The following PFKFB3 variants were observed in gnomAD, a reference collection of about 807,000 sequenced individuals.
PFKFB3 encodes 6-phosphofructo-2-kinase/fructose-2,6-biphosphatase 3, also known as 6-phosphofructo-2-kinase/fructose-2,6-bisphosphatase 3.
PFKFB3 carries 33 observed loss-of-function variants against 68.0 expected under a neutral mutation model. That is an observed-to-expected ratio of 0.49 (90% CI 0.37 to 0.65). The LOEUF (loss-of-function observed/expected upper bound fraction) is 0.65. Among genes scored for constraint, PFKFB3 ranks in the 30% least tolerant of loss-of-function variants. The pLI, the probability that PFKFB3 is intolerant of heterozygous loss-of-function variation, is 0.00. For missense variants in PFKFB3, 586 were observed against 712.2 expected (o/e 0.82, Z 2.02); for synonymous variants, 315 against 288.2 (o/e 1.09, Z -0.94).
At chr10:6,285,211 G>A in the PFKFB3 span, among the ~76,000 whole-genome samples, 2 of 151,658 alleles carry the variant, frequency 1.3e-5, no homozygotes, top group Non-Finnish European at 2.9e-5. Context: ...CAATACACAA[G>A]TGCTACAATC....
the PFKFB3 span, among the ~76,000 whole-genome samples, chr10:6,269,023 C>CA: frequency 1.2e-3 from 114 of 93,040 alleles, 1 homozygote; most frequent in African/African-American, 1.9e-3. Context: ...GATCCTGTCT[C>CA]AAAAAAAAAA....
At chr10:6,146,217 C>T in intron 1 of PFKFB3, 3 of 1,430,882 alleles carry the variant, frequency 2.1e-6, no homozygotes, top group Non-Finnish European at 2.7e-6. Flanking sequence ...ACCCATCTGC[C>T]TCTCTTCTCT....
chr10:6,201,297 C>T (rs1843340652), upstream of PFKFB3, among the ~76,000 whole-genome samples: 1 of 152,082 alleles, frequency 6.6e-6, no homozygotes. The surrounding 1 kb of genome is among the most constrained non-coding windows in gnomAD (Gnocchi z 4.1). Flanking sequence ...CTGGCATGTG[C>T]TCCCACTGCA....
At chr10:6,293,237 G>C in the PFKFB3 span, 1 of 462,712 alleles carries the variant, frequency 2.2e-6, no homozygotes, top group South Asian at 1.7e-5. Context: ...TGCAATTTGA[G>C]AGTCCTTCAG....
At chr10:6,151,446 A>G (rs1224906874) in intron 1 of PFKFB3, among the ~76,000 whole-genome samples, 1 of 152,192 alleles carries the variant, frequency 6.6e-6, no homozygotes, top group African/African-American at 2.4e-5. Context: ...CGGCCAGAGA[A>G]GCAAGAAGCA....
At chr10:6,157,906 C>G (rs1388693554) in intron 1 of PFKFB3, among the ~76,000 whole-genome samples, 2 of 152,086 alleles carry the variant, frequency 1.3e-5, no homozygotes, top group African/African-American at 2.4e-5. Flanking sequence ...ACTGAATAAG[C>G]AGGCAGTCCA....
intron 1 of PFKFB3, among the ~76,000 whole-genome samples, chr10:6,191,653 A>C (rs1843025427): frequency 6.6e-6 from 1 of 152,104 alleles, no homozygotes; most frequent in South Asian, 2.1e-4. Flanking sequence ...GCTGTTGGGG[A>C]AGTCCCTCTG....
chr10:6,254,097 CT>C (rs34789693), intron 14 of PFKFB3: 16,681 of 328,236 alleles, frequency 0.051, 97 homozygotes, highest in East Asian at 0.16. Flanking sequence ...TTTCAGATGG[CT>C]TTTTTTTTTT....
At chr10:6,262,483 G>A in the PFKFB3 span, among the ~76,000 whole-genome samples, 1 of 142,330 alleles carries the variant, frequency 7.0e-6, no homozygotes, top group African/African-American at 2.6e-5. Flanking sequence ...AAAAAAAGCT[G>A]TCTTTGGATA....
chr10:6,307,839 A>G, the PFKFB3 span, among the ~76,000 whole-genome samples: 38 of 152,256 alleles, frequency 2.5e-4, no homozygotes, highest in Non-Finnish European at 5.3e-4. Context: ...GAGAGATGGG[A>G]CCTTTAAGAT....
chr10:6,167,040 G>T (rs960716488), intron 1 of PFKFB3, among the ~76,000 whole-genome samples: 1 of 152,006 alleles, frequency 6.6e-6, no homozygotes, highest in Non-Finnish European at 1.5e-5. Flanking sequence ...TGTTGGTCAG[G>T]AACTCCCCAT....
At chr10:6,164,780 A>G (rs982281768) in intron 1 of PFKFB3, among the ~76,000 whole-genome samples, 2 of 152,144 alleles carry the variant, frequency 1.3e-5, no homozygotes, top group East Asian at 1.9e-4. Context: ...CTGTGCCCTG[A>G]TGTGCACATA....
At chr10:6,203,434 G>GT in intron 1 of PFKFB3, 98 bp downstream of exon 1, 3 of 759,392 alleles carry the variant, frequency 4.0e-6, no homozygotes, top group Non-Finnish European at 3.6e-6. Context: ...TGCGGGGGGC[G>GT]CGCCCGTGCG....
rs187030762 is a variant in PFKFB3 at position 6,179,881 on chromosome 10, G to A, written c.17-33742G>A. On this transcript the variant is annotated intron_variant, in intron 1 of 14. Coordinates refer to the PFKFB3 transcript ENST00000379789. ...CCAGGTGATAAGTGATGAGAAGACC[G>A]TTGAGCCCCCAGAGTGACACCCAAG... Among the ~76,000 whole-genome samples the A allele has an allele frequency of 2.0e-4, 30 of 152,266 alleles. No homozygotes were observed. The South Asian group carries it at 4.8e-3, about 24-fold the overall frequency.
chr10:6,301,811 G>A, the PFKFB3 span, among the ~76,000 whole-genome samples: 13 of 152,230 alleles, frequency 8.5e-5, no homozygotes, highest in South Asian at 1.2e-3. Context: ...CACTTCCTTC[G>A]TTATGACTAA....
chr10:6,177,389 T>TTTCTTTTTCTTTCTTTC (rs1554842898), intron 1 of PFKFB3, among the ~76,000 whole-genome samples: 1 of 122,970 alleles, frequency 8.1e-6, no homozygotes, highest in Non-Finnish European at 1.8e-5. Context: ...TCTTTCTTTC[T>TTTCTTTTTCTTTCTTTC]TTCTTTCTTT....
chr10:6,310,104 C>T, the PFKFB3 span, among the ~76,000 whole-genome samples: 18,195 of 151,964 alleles, frequency 0.12, 1,208 homozygotes, highest in East Asian at 0.22. Context: ...TTCTCAAGAG[C>T]GAGACTCCAT....
chr10:6,293,392 C>A, the PFKFB3 span: 1 of 238,246 alleles, frequency 4.2e-6, no homozygotes, highest in South Asian at 5.0e-5. Context: ...GTTGGCCAGG[C>A]TGGAGTGGAG....
At chr10:6,224,337 T>C (rs1245639079) in intron 13 of PFKFB3, 124 bp downstream of exon 13, 2 of 843,722 alleles carry the variant, frequency 2.4e-6, no homozygotes, top group Non-Finnish European at 3.9e-6. Flanking sequence ...GCCATGGGCC[T>C]GCTGGCTGCC....
Sources: allele counts gnomAD v4.1 joint callset (sites outside exome capture counted in the v4.1 genomes callset), GRCh38; gene constraint gnomAD v4.1.1; non-coding constraint Gnocchi (gnomAD v3.1); transcripts MANE v1.5; gene names NCBI Gene and HGNC (gene_info 2026-07-23, HGNC 2026-07-21).